The following ZNF454 variants were observed in gnomAD, a reference collection of about 807,000 sequenced individuals.
ZNF454 encodes the protein zinc finger protein 454.
A neutral mutation model predicts 48.2 loss-of-function variants in ZNF454; 30 were observed. The ratio of observed to expected loss-of-function variants is 0.62; its 90% CI spans 0.47 to 0.84. The LOEUF is 0.84. Ranked by LOEUF, ZNF454 falls within the 40% of genes least tolerant of loss-of-function variation. ZNF454 has a pLI of 0.00. For synonymous variants in ZNF454, 204 were observed against 211.4 expected (o/e 0.97, Z 0.30); for missense variants, 510 against 623.1 (o/e 0.82, Z 1.93).
chr5:178,951,532 A>T (rs1243720935), intron 4 of ZNF454, among the ~76,000 whole-genome samples: 1 of 152,112 alleles, frequency 6.6e-6, no homozygotes, highest in East Asian at 1.9e-4. Context: ...GTGCTTTAAA[A>T]CTTAACATGT....
At chr5:178,950,165 AC>A (rs1759497140) in intron 4 of ZNF454, among the ~76,000 whole-genome samples, 1 of 152,208 alleles carries the variant, frequency 6.6e-6, no homozygotes, top group Non-Finnish European at 1.5e-5. Flanking sequence ...GAGCCACCGT[AC>A]CTGGCTGACA....
the ZNF454 span, chr5:178,978,247 T>A: frequency 6.6e-6 from 1 of 152,258 alleles, no homozygotes; most frequent in South Asian, 2.1e-4. Context: ...TCACTTGGAA[T>A]TGTGCATTTT....
intron 4 of ZNF454, among the ~76,000 whole-genome samples, chr5:178,960,156 G>C (rs1315045914): frequency 6.6e-6 from 1 of 151,264 alleles, no homozygotes; most frequent in Non-Finnish European, 1.5e-5. Flanking sequence ...TCACCATATT[G>C]CCCAGTCAGG....
intron 4 of ZNF454, among the ~76,000 whole-genome samples, chr5:178,947,214 G>A (rs1759376177): frequency 6.6e-6 from 1 of 152,134 alleles, no homozygotes; most frequent in African/African-American, 2.4e-5. Context: ...TCCCTGTTTG[G>A]CGTAGATTAG....
the ZNF454 span, chr5:178,986,144 G>A: frequency 6.2e-7 from 1 of 1,613,634 alleles, no homozygotes; most frequent in Middle Eastern, 1.7e-4. Flanking sequence ...AGGGAGGTGA[G>A]GCTGAAGGTG....
the ZNF454 span, chr5:178,989,329 C>A: frequency 1.9e-6 from 3 of 1,613,636 alleles, no homozygotes; most frequent in Non-Finnish European, 2.5e-6. Context: ...AGTTAAAATT[C>A]TCTTCCCAGA....
the ZNF454 span, among the ~76,000 whole-genome samples, chr5:178,982,653 G>C: frequency 1.4e-5 from 2 of 141,764 alleles, no homozygotes; most frequent in Admixed American, 7.2e-5. Context: ...GTAACTGGGT[G>C]ACAGAGTGAG....
At chr5:178,970,582 C>T (rs1444845376), downstream of ZNF454, among the ~76,000 whole-genome samples, 1 of 152,096 alleles carries the variant, frequency 6.6e-6, no homozygotes, top group Non-Finnish European at 1.5e-5. Flanking sequence ...CTGCCTCAGC[C>T]TCCCAAGTAG....
At chr5:178,971,857 A>AC in the ZNF454 span, among the ~76,000 whole-genome samples, 4 of 144,894 alleles carry the variant, frequency 2.8e-5, no homozygotes, top group African/African-American at 1.0e-4. Context: ...TCTGAAAAAA[A>AC]AAAAAGAAGA....
chr5:178,989,507 G>C, the ZNF454 span: 2 of 1,467,676 alleles, frequency 1.4e-6, no homozygotes, highest in Non-Finnish European at 1.9e-6. Context: ...GAGTGGCCAG[G>C]TGAGCTAGGA....
chr5:178,986,188 G>A, the ZNF454 span: 1 of 1,613,994 alleles, frequency 6.2e-7, no homozygotes, highest in Non-Finnish European at 8.5e-7. Context: ...GATGAAGGGA[G>A]GGGGTGTGAC....
At chr5:178,979,837 G>A in the ZNF454 span, 1 of 154,102 alleles carries the variant, frequency 6.5e-6, no homozygotes, top group African/African-American at 2.4e-5. Flanking sequence ...TGATCTCAGA[G>A]TTCATACAGG....
At chr5:178,976,740 G>A in the ZNF454 span, among the ~76,000 whole-genome samples, 15 of 152,216 alleles carry the variant, frequency 9.9e-5, no homozygotes, top group African/African-American at 3.1e-4. Flanking sequence ...CACAGTGCAA[G>A]GTCAAGCTGT....
the ZNF454 span, chr5:178,981,782 C>T: frequency 1.9e-3 from 3,077 of 1,612,844 alleles, 52 homozygotes; most frequent in African/African-American, 0.036. The surrounding 1 kb of genome is among the most constrained non-coding windows in gnomAD (Gnocchi z 5.1). Flanking sequence ...GTTTTGGGTA[C>T]GTAGAGCATG....
At chr5:178,963,550 T>G (rs1400811659) in intron 4 of ZNF454, among the ~76,000 whole-genome samples, 1 of 151,710 alleles carries the variant, frequency 6.6e-6, no homozygotes, top group Non-Finnish European at 1.5e-5. Context: ...TGATGGGATT[T>G]CTCGTGAATT....
chr5:178,966,610 T>C (rs894628292), downstream of ZNF454, among the ~76,000 whole-genome samples: 1 of 152,028 alleles, frequency 6.6e-6, no homozygotes, highest in Admixed American at 6.6e-5. Context: ...GAAACTGAAA[T>C]TGTAAAAATT....
the ZNF454 span, chr5:178,979,316 T>C: frequency 6.6e-6 from 1 of 152,206 alleles, no homozygotes; most frequent in Admixed American, 6.5e-5. Flanking sequence ...AAAAGCCCTC[T>C]TGTGGAAGTC....
the ZNF454 span, chr5:178,987,179 G>A: frequency 2.6e-5 from 18 of 702,006 alleles, no homozygotes; most frequent in South Asian, 3.0e-5. Context: ...AGAAAATAAC[G>A]AGTGTTGTGA....
the ZNF454 span, chr5:178,977,492 T>C: frequency 2.2e-6 from 1 of 449,896 alleles, no homozygotes; most frequent in East Asian, 7.0e-5. Context: ...TCTATGGTAC[T>C]CTTTTATAGC....
Sources: allele counts gnomAD v4.1 joint callset (sites outside exome capture counted in the v4.1 genomes callset), GRCh38; gene constraint gnomAD v4.1.1; non-coding constraint Gnocchi (gnomAD v3.1); transcripts MANE v1.5; gene names NCBI Gene and HGNC (gene_info 2026-07-23, HGNC 2026-07-21).